Variants in RIMBP2 observed in about 807,000 individuals in gnomAD.
RIMBP2 encodes the protein RIMS binding protein 2, also known as RIMS-binding protein 2.
Under a neutral mutation model 118.6 loss-of-function variants are expected in RIMBP2, and 48 were observed. That is an observed-to-expected ratio of 0.40 (90% CI 0.32 to 0.51). RIMBP2 has a LOEUF of 0.51. Among genes scored for constraint, RIMBP2 ranks in the 20% least tolerant of loss-of-function variants. The pLI, the probability that RIMBP2 is intolerant of heterozygous loss-of-function variation, is 0.41. For missense variants in RIMBP2, 1,551 were observed against 1,768.3 expected (o/e 0.88, Z 2.20); for synonymous variants, 762 against 742.9 (o/e 1.03, Z -0.42).
At chr12:130,675,396 A>G (rs117585426) in intron 1 of RIMBP2, among the ~76,000 whole-genome samples, 4,828 of 152,080 alleles carry the variant, frequency 0.032, 88 homozygotes, top group East Asian at 0.065. Flanking sequence ...CCACCGCCCC[A>G]GCTCTGCCTG....
Position 130,414,242 on chromosome 12 carries a change from G to A in RIMBP2, c.3303C>T (p.Ala1101=), listed in dbSNP as rs759139044. The A allele has an allele frequency of 9.3e-6, 15 of 1,613,818 alleles. No homozygotes were observed. Among genetic ancestry groups the A allele is most frequent in the African/African-American group, 6.7e-5 (5 of 74,920 alleles). Residue 1101 remains alanine (A), a synonymous_variant, in exon 18 of 23, where the codon GCC becomes GCT. Transcript: ENST00000690449. ...FYEESETDPG[A]EELPARIFVA... The stretch of plus-strand genomic sequence containing the variant: ...CAAAGATCCGGGCCGGGAGCTCTTC[G>A]GCACCAGGGTCAGTTTCTGACTCTT...
At position 130,456,554 on chromosome 12, in the gene RIMBP2, C is replaced by T. The variant is rs759779904; in HGVS notation, c.300G>A (p.Thr100=). 85 of 1,611,972 alleles carry T rather than the reference C, an allele frequency of 5.3e-5. No individual in the cohort carries two copies. Among genetic ancestry groups the T allele is most frequent in the Admixed American group, 2.0e-4 (12 of 59,934 alleles). Residue 100 remains threonine (T), a synonymous_variant, in exon 7 of 23, where the codon ACG becomes ACA. Coordinates refer to ENST00000690449, the MANE Select transcript of RIMBP2 (RefSeq NM_001393629.1). ...ACTGTGGGAAAGGCTTGCTGGGGGCCGTGGAGATGTCCAGGGGGGCCACCG... is the reference window on the plus strand; with the variant it reads ...ACTGTGGGAAAGGCTTGCTGGGGGCTGTGGAGATGTCCAGGGGGGCCACCG... ...GSAVAPLDIS[T]APSKPFPQFM...
At chr12:130,544,229 A>T (rs1292257216) in intron 2 of RIMBP2, among the ~76,000 whole-genome samples, 7 of 152,206 alleles carry the variant, frequency 4.6e-5, no homozygotes, top group African/African-American at 1.4e-4. Context: ...ATGTCCTGGA[A>T]GGGGAAGAGA....
intron 2 of RIMBP2, among the ~76,000 whole-genome samples, chr12:130,606,645 T>A (rs1004056809): frequency 1.3e-5 from 2 of 152,224 alleles, no homozygotes; most frequent in Non-Finnish European, 2.9e-5. Context: ...CTGCACTTCA[T>A]GAGCTGTAAA....
At chr12:130,558,087 A>C (rs1459102785) in intron 2 of RIMBP2, among the ~76,000 whole-genome samples, 2 of 152,210 alleles carry the variant, frequency 1.3e-5, no homozygotes, top group African/African-American at 4.8e-5. Context: ...AGTGATTATG[A>C]GCTGTAATGA....
chr12:130,458,388 G>A (rs1196165702), intron 6 of RIMBP2, among the ~76,000 whole-genome samples: 1 of 152,156 alleles, frequency 6.6e-6, no homozygotes, highest in African/African-American at 2.4e-5. Context: ...CCAAGCCCAG[G>A]GACAGCTCCG....
chr12:130,674,101 G>C (rs2136473845), intron 1 of RIMBP2, among the ~76,000 whole-genome samples: 1 of 152,232 alleles, frequency 6.6e-6, no homozygotes, highest in Admixed American at 6.5e-5. Flanking sequence ...CTGGGCGACA[G>C]AGTGAGACTC....
rs947751276 is a variant in RIMBP2, at chr12:130,399,877, G to T, written c.3766-64C>A. On this transcript the variant is annotated intron_variant, in intron 21 of 22. Coordinates refer to ENST00000690449, the MANE Select transcript of RIMBP2 (RefSeq NM_001393629.1). ...TTCTAGAAACCCACATCTTGCTTTG[G>T]CTAAAGGAATACAGCTCAGAGTACA... The T allele has an allele frequency of 1.9e-6, 3 of 1,572,386 alleles. No individual in the cohort carries two copies. The East Asian group carries it at 6.7e-5, about 35-fold the overall frequency.
chr12:130,456,721 A>AG lies in RIMBP2; in HGVS notation c.154-22dup, dbSNP rs139593005. 9,160 of 1,581,224 alleles carry AG rather than the reference A, an allele frequency of 5.8e-3. 463 individuals are homozygous for AG. In the African/African-American group the frequency reaches 0.11, roughly 18 times the overall value. On this transcript the variant is annotated intron_variant, in intron 6 of 22. Transcript: ENST00000690449. The stretch of plus-strand genomic sequence containing the variant: ...TTGGACTGCACGGCAGAAGCAGGAC[A>AG]GGGGGTCAGCGGTGGCATTTGGTGG...
chr12:130,570,404 C>T (rs535219097), intron 2 of RIMBP2, among the ~76,000 whole-genome samples: 1 of 152,108 alleles, frequency 6.6e-6, no homozygotes, highest in African/African-American at 2.4e-5. Context: ...CCAGCCTGGG[C>T]AACAGAGCTA....
chr12:130,706,857 C>T (rs963939243), intron 1 of RIMBP2, among the ~76,000 whole-genome samples: 1 of 152,192 alleles, frequency 6.6e-6, no homozygotes, highest in Non-Finnish European at 1.5e-5. Context: ...CCAGTGGTCC[C>T]AAATGCCGCA....
chr12:130,710,891 G>A lies in RIMBP2; in HGVS notation c.-352+5331C>T, dbSNP rs927390212. On this transcript the variant is annotated intron_variant, in intron 1 of 22. Coordinates refer to ENST00000690449, the MANE Select transcript of RIMBP2 (RefSeq NM_001393629.1). This position sits in a 1 kb window ranked among gnomAD's most constrained non-coding sequence, Gnocchi z 4.3. ...TCCTCACAGGCCCCGCACGTCACACGTGGGGTCCCATGGAGCCCTGACAGC... is the reference window on the plus strand; with the variant it reads ...TCCTCACAGGCCCCGCACGTCACACATGGGGTCCCATGGAGCCCTGACAGC... Among the ~76,000 whole-genome samples the A allele has an allele frequency of 2.6e-5, 4 of 152,228 alleles. No homozygotes were observed. The highest frequency in any genetic ancestry group is 1.9e-4 in the East Asian group (1 of 5,192).
chr12:130,702,989 G>A (rs924924748), intron 1 of RIMBP2, among the ~76,000 whole-genome samples: 1 of 152,156 alleles, frequency 6.6e-6, no homozygotes, highest in African/African-American at 2.4e-5. Context: ...CTGAGACAAT[G>A]AGACTGTGAT....
intron 1 of RIMBP2, among the ~76,000 whole-genome samples, chr12:130,674,574 C>T (rs369029339): frequency 1.3e-4 from 20 of 152,284 alleles, no homozygotes; most frequent in African/African-American, 3.9e-4. Flanking sequence ...CCATCCCTAA[C>T]GTGATCCTTT....
intron 2 of RIMBP2, among the ~76,000 whole-genome samples, chr12:130,526,494 A>G (rs1019934360): frequency 2.0e-5 from 3 of 152,218 alleles, no homozygotes; most frequent in African/African-American, 4.8e-5. Flanking sequence ...CTTTACTTAT[A>G]AGAGGAAATG....
chr12:130,559,511 T>C (rs2056641907), intron 2 of RIMBP2, among the ~76,000 whole-genome samples: 2 of 152,216 alleles, frequency 1.3e-5, no homozygotes, highest in African/African-American at 4.8e-5. Context: ...TTTTCATGGC[T>C]GAATAGTACT....
At position 130,437,028 on chromosome 12, in the gene RIMBP2, C is replaced by T; in HGVS notation, c.1920G>A (p.Glu640=). 2 of 1,585,478 alleles carry T rather than the reference C, an allele frequency of 1.3e-6. No individual in the cohort carries two copies. Among genetic ancestry groups the T allele is most frequent in the Non-Finnish European group, 1.7e-6 (2 of 1,163,840 alleles). ...EHLGPHARMD[E]AWEQSRAPGP... The stretch of plus-strand genomic sequence containing the variant: ...CAGGTGCACGGCTCTGCTCCCAGGC[C>T]TCATCCATCCTGGCGTGGGGACCCA... Residue 640 remains glutamate, a synonymous_variant, in exon 13 of 23, where the codon GAG becomes GAA. Coordinates refer to ENST00000690449, the MANE Select transcript of RIMBP2 (RefSeq NM_001393629.1).
chr12:130,611,236 T>A (rs2060525424), intron 2 of RIMBP2, among the ~76,000 whole-genome samples: 1 of 152,016 alleles, frequency 6.6e-6, no homozygotes, highest in South Asian at 2.1e-4. Flanking sequence ...CACATTCCCC[T>A]CCCATCCCAC....
chr12:130,546,097 C>CTTTTT lies in RIMBP2; in HGVS notation c.-216-28185_-216-28181dup, dbSNP rs56407634. The stretch of plus-strand genomic sequence containing the variant: ...TGAGCAATTACAAATATCACTGCTT[C>CTTTTT]TTTTTTTTTTTTTTTTTTTTGGGAT... On this transcript the variant is annotated intron_variant, in intron 2 of 22. Transcript: ENST00000690449. Among the ~76,000 whole-genome samples the CTTTTT allele has an allele frequency of 9.7e-3, 1,006 of 103,376 alleles. 19 individuals are homozygous for CTTTTT. Among genetic ancestry groups the CTTTTT allele is most frequent in the Admixed American group, 0.014 (108 of 7,750 alleles). 67.8% of individuals were successfully genotyped at this position (103,376 alleles called of 152,430 possible).
Sources: gnomAD v4.1 joint callset for allele counts (sites outside exome capture counted in the v4.1 genomes callset) on GRCh38, gnomAD v4.1.1 for gene constraint, Gnocchi (gnomAD v3.1) non-coding constraint, MANE v1.5 for transcripts, NCBI Gene and HGNC (gene_info 2026-07-23, HGNC 2026-07-21) for gene names.